Variants in HLCS observed in about 807,000 individuals in gnomAD.
The protein encoded by HLCS is biotin--protein ligase.
HLCS carries 53 observed loss-of-function variants against 75.0 expected under a neutral mutation model. The observed-to-expected ratio is 0.71, with a 90% CI of 0.57 to 0.89. The LOEUF is 0.89. HLCS is among the 40% of genes least tolerant of loss of function. The pLI, the probability that HLCS is intolerant of heterozygous loss-of-function variation, is 0.00. For missense variants in HLCS, 966 were observed against 1,074.0 expected, an observed-to-expected ratio of 0.90 and a Z score of 1.41; for synonymous variants, 431 against 428.6, an observed-to-expected ratio of 1.01 and a Z score of -0.07.
At chr21:36,916,436 T>C (rs2065933419) in intron 5 of HLCS, among the ~76,000 whole-genome samples, 1 of 151,036 alleles carries the variant, frequency 6.6e-6, no homozygotes. Context: ...GATCACAAAC[T>C]CAACTCCCGG....
intron 6 of HLCS, among the ~76,000 whole-genome samples, chr21:36,877,693 A>G (rs1304469861): frequency 6.6e-6 from 1 of 152,112 alleles, no homozygotes; most frequent in Non-Finnish European, 1.5e-5. Flanking sequence ...ATTCCTTCCT[A>G]AAGACTCAAG....
chr21:36,819,328 A>T (rs2061756681), intron 6 of HLCS, among the ~76,000 whole-genome samples: 1 of 152,190 alleles, frequency 6.6e-6, no homozygotes, highest in Non-Finnish European at 1.5e-5. Flanking sequence ...ATGAGAGAGG[A>T]GCACGAGGGA....
intron 5 of HLCS, among the ~76,000 whole-genome samples, chr21:36,904,624 T>C (rs2146367229): frequency 6.6e-6 from 1 of 152,180 alleles, no homozygotes; most frequent in South Asian, 2.1e-4. Flanking sequence ...GCATTTAGCC[T>C]CCCCCAAAAC....
At chr21:36,884,132 T>G (rs1294409754) in intron 6 of HLCS, among the ~76,000 whole-genome samples, 3 of 152,210 alleles carry the variant, frequency 2.0e-5, no homozygotes, top group Non-Finnish European at 4.4e-5. Context: ...ATCAGTTTAT[T>G]TATATCCCCT....
intron 6 of HLCS, among the ~76,000 whole-genome samples, chr21:36,821,199 C>A (rs1188983729): frequency 2.0e-5 from 3 of 152,168 alleles, no homozygotes; most frequent in African/African-American, 7.2e-5. Flanking sequence ...GAGCTGACAC[C>A]ACCTTGGGCA....
At chr21:36,765,579 T>C (rs1485815294) in intron 7 of HLCS, among the ~76,000 whole-genome samples, 1 of 152,230 alleles carries the variant, frequency 6.6e-6, no homozygotes, top group Non-Finnish European at 1.5e-5. Context: ...ATTCCTATTG[T>C]GGCGATGGTT....
At chr21:36,858,874 T>C (rs1270554503) in intron 6 of HLCS, among the ~76,000 whole-genome samples, 1 of 152,174 alleles carries the variant, frequency 6.6e-6, no homozygotes, top group Non-Finnish European at 1.5e-5. Context: ...AGTTCCCAAA[T>C]GCTCCTCGTG....
intron 5 of HLCS, among the ~76,000 whole-genome samples, chr21:36,913,430 GC>G (rs2065803844): frequency 1.3e-5 from 2 of 152,026 alleles, no homozygotes; most frequent in African/African-American, 4.8e-5. Flanking sequence ...AGGGAGAAGG[GC>G]AGTGGGCAGG....
chr21:36,860,244 T>G (rs1047497884), intron 6 of HLCS, among the ~76,000 whole-genome samples: 4 of 152,060 alleles, frequency 2.6e-5, no homozygotes, highest in Non-Finnish European at 5.9e-5. Flanking sequence ...ACAGATCACA[T>G]AACCTCCCCC....
chr21:36,760,105 C>G (rs966747966), intron 8 of HLCS, among the ~76,000 whole-genome samples: 1 of 152,108 alleles, frequency 6.6e-6, no homozygotes, highest in East Asian at 1.9e-4. Flanking sequence ...CATCCAAAAC[C>G]CTTTCTGAAG....
intron 2 of HLCS, among the ~76,000 whole-genome samples, chr21:36,958,657 C>T (rs578006356): frequency 9.2e-5 from 14 of 152,052 alleles, no homozygotes; most frequent in Non-Finnish European, 1.9e-4. Context: ...GGCGTGGCAG[C>T]GTGCGCCTGT....
At chr21:36,887,330 A>G (rs1404721896) in intron 6 of HLCS, among the ~76,000 whole-genome samples, 18 of 152,168 alleles carry the variant, frequency 1.2e-4, no homozygotes, top group Admixed American at 1.2e-3. Flanking sequence ...GGACACTGGG[A>G]CGGCTCAGTT....
intron 9 of HLCS, chr21:36,757,112 G>T: frequency 5.2e-6 from 1 of 193,404 alleles, no homozygotes; most frequent in Non-Finnish European, 9.5e-6. Context: ...TTGTAGCTCT[G>T]CACTGAGTCC....
intron 6 of HLCS, among the ~76,000 whole-genome samples, chr21:36,798,539 CTGAT>C (rs1296755653): frequency 2.6e-5 from 4 of 152,232 alleles, no homozygotes; most frequent in Admixed American, 6.5e-5. Context: ...GATTGACTGA[CTGAT>C]TGATCTGCTC....
intron 6 of HLCS, among the ~76,000 whole-genome samples, chr21:36,770,477 GTAAAATTCA>G (rs2060171699): frequency 6.6e-6 from 1 of 151,936 alleles, no homozygotes. Context: ...TTCCAAGTAT[GTAAAATTCA>G]AAAAGGGCAG....
rs376741921 is a variant in HLCS, at chr21:36,753,756, G to A, written c.*490C>T. On this transcript the variant is annotated 3_prime_UTR_variant, in exon 11 of 11. Coordinates refer to ENST00000674895, the MANE Select transcript of HLCS (RefSeq NM_001352514.2). This position sits in a 1 kb window ranked among gnomAD's most constrained non-coding sequence, Gnocchi z 4.3. ...CCTTTTCTTCATTAATAAAAACACA[G>A]AACAATGACTAAGTGTCCAAGCATG... is the stretch of plus-strand genomic sequence containing the variant. The A allele has an allele frequency of 1.1e-4, 19 of 179,928 alleles. No homozygotes were observed. In the South Asian group the frequency reaches 1.4e-3, roughly 14 times the overall value. 11.1% of individuals were successfully genotyped at this position (179,928 alleles called of 1,614,324 possible). A position where few individuals can be genotyped will look rare whatever the true frequency, so the allele number is the denominator to read the frequency against.
chr21:36,843,843 G>C (rs2062702994), intron 6 of HLCS, among the ~76,000 whole-genome samples: 1 of 152,066 alleles, frequency 6.6e-6, no homozygotes, highest in South Asian at 2.1e-4. Context: ...CCGTCACTAT[G>C]AAATATTCTA....
Position 36,966,461 on chromosome 21 carries a change from A to T in HLCS, c.178T>A (p.Cys60Ser). 1 of 547,686 alleles carries T rather than the reference A, an allele frequency of 1.8e-6. No individual in the cohort carries two copies. The highest frequency in any genetic ancestry group is 2.2e-6 in the Non-Finnish European group (1 of 447,078). The allele number at this position is 547,686 out of a possible 1,614,324, so 33.9% of individuals were successfully genotyped here. ...CCGCCCACCTGGCTGTCGCTGACGC[A>T]GAAGACGCGGCCGCCACGGCTCAGG... ...VCLSRGGRVF[C>S]VSDSQSIEDL... Residue 60 changes from cysteine (C) to serine (S), a missense_variant, in exon 1 of 11, where the codon TGC (cysteine) becomes AGC (serine). Coordinates refer to ENST00000674895, the MANE Select transcript of HLCS (RefSeq NM_001352514.2).
chr21:36,969,174 T>C (rs1601919954), upstream of HLCS, among the ~76,000 whole-genome samples: 1 of 152,218 alleles, frequency 6.6e-6, no homozygotes, highest in African/African-American at 2.4e-5. Context: ...GCTCTGTTTA[T>C]GATCCCGCCC....
Sources: gnomAD v4.1 joint callset for allele counts (sites outside exome capture counted in the v4.1 genomes callset) on GRCh38, gnomAD v4.1.1 for gene constraint, Gnocchi (gnomAD v3.1) non-coding constraint, MANE v1.5 for transcripts, NCBI Gene and HGNC (gene_info 2026-07-23, HGNC 2026-07-21) for gene names.